The following PUDP variants were observed in gnomAD, a reference collection of about 807,000 sequenced individuals.
PUDP encodes the protein pseudouridine 5'-phosphatase.
Under a neutral mutation model 9.4 loss-of-function variants are expected in PUDP, and 8 were observed. That is an observed-to-expected ratio of 0.85 (90% CI 0.50 to 1.53). PUDP has a LOEUF of 1.53. PUDP is among the 40% of genes most tolerant of loss of function. The pLI is 0.00. For synonymous variants in PUDP, 99 were observed against 80.7 expected (o/e 1.23, Z -1.22); for missense variants, 188 against 189.7 (o/e 0.99, Z 0.05).
chrX:6,833,646 C>T (rs1444679922), intron 3 of PUDP, among the ~76,000 whole-genome samples: 4 of 111,945 alleles, frequency 3.6e-5, no homozygotes, highest in Admixed American at 2.8e-4. Context: ...GAAATAGATA[C>T]ATGGATAGTC....
intron 3 of PUDP, among the ~76,000 whole-genome samples, chrX:6,880,622 A>G (rs1927332932): frequency 8.9e-6 from 1 of 112,287 alleles, no homozygotes; most frequent in Admixed American, 9.5e-5. Flanking sequence ...TATGTCTGGT[A>G]TGGAGCACTC....
At chrX:6,989,561 T>C (rs770480364) in intron 1 of PUDP, 2 of 138,284 alleles carry the variant, frequency 1.4e-5, no homozygotes, top group East Asian at 1.7e-4. Context: ...GCTAAGAAAA[T>C]GAAGAAGTCT....
chrX:6,898,778 C>A (rs560619648), intron 3 of PUDP, among the ~76,000 whole-genome samples: 1 of 111,801 alleles, frequency 8.9e-6, no homozygotes, highest in African/African-American at 3.2e-5. Context: ...TCTTTTGATT[C>A]TTTTTTGCCA....
At chrX:6,717,839 T>A (rs909047807) in intron 1 of PUDP, among the ~76,000 whole-genome samples, 1 of 112,192 alleles carries the variant, frequency 8.9e-6, no homozygotes, top group Non-Finnish European at 1.9e-5. Flanking sequence ...CATTCCCTCT[T>A]CTCTGCATCC....
intron 3 of PUDP, among the ~76,000 whole-genome samples, chrX:6,957,849 C>G (rs1055376504): frequency 8.9e-6 from 1 of 111,932 alleles, no homozygotes; most frequent in Non-Finnish European, 1.9e-5. Context: ...GATCACAATG[C>G]TGGTAGAAAA....
At chrX:6,886,848 C>G (rs1453839239) in intron 3 of PUDP, among the ~76,000 whole-genome samples, 1 of 110,180 alleles carries the variant, frequency 9.1e-6, no homozygotes, top group Non-Finnish European at 1.9e-5. Context: ...AAGAAACAGC[C>G]TTGCATTCCA....
intron 3 of PUDP, among the ~76,000 whole-genome samples, chrX:6,970,836 G>A: frequency 9.0e-6 from 1 of 110,729 alleles, no homozygotes; most frequent in African/African-American, 3.3e-5. Flanking sequence ...GGCTGAGGTG[G>A]GTGGGAGTTT....
chrX:6,934,157 A>G (rs1249677066), intron 3 of PUDP, among the ~76,000 whole-genome samples: 1 of 106,397 alleles, frequency 9.4e-6, no homozygotes, highest in African/African-American at 3.4e-5. Context: ...CCTCAAGAAG[A>G]GCAAATCCAA....
At chrX:6,902,856 A>C (rs754521275) in intron 3 of PUDP, among the ~76,000 whole-genome samples, 21 of 111,629 alleles carry the variant, frequency 1.9e-4, no homozygotes, top group Non-Finnish European at 3.2e-4. Context: ...TGTCTGCTGG[A>C]GAGAAGGTAA....
chrX:6,772,964 A>C (rs1450628060), intron 3 of PUDP, among the ~76,000 whole-genome samples: 2 of 112,353 alleles, frequency 1.8e-5, no homozygotes, highest in African/African-American at 6.5e-5. Flanking sequence ...TTTTTCCACA[A>C]GTTCACAAGC....
intron 3 of PUDP, among the ~76,000 whole-genome samples, chrX:6,948,034 G>A (rs6639727): frequency 0.21 from 23,320 of 110,840 alleles, 1,965 homozygotes; most frequent in Admixed American, 0.35. Context: ...ACAAAAAGGA[G>A]GAATATTAGA....
intron 3 of PUDP, among the ~76,000 whole-genome samples, chrX:6,768,902 G>C (rs1387244765): frequency 8.9e-6 from 1 of 111,848 alleles, no homozygotes; most frequent in East Asian, 2.8e-4. Flanking sequence ...GCTTTCCGTG[G>C]TGGTGTTTAC....
chrX:7,071,222 A>G (rs1285122493), intron 3 of PUDP, among the ~76,000 whole-genome samples: 3 of 111,599 alleles, frequency 2.7e-5, no homozygotes, highest in Non-Finnish European at 5.6e-5. Flanking sequence ...CAGTTTTCTT[A>G]ATTTCACTTT....
chrX:6,941,709 G>A (rs762936906), intron 3 of PUDP, among the ~76,000 whole-genome samples: 2 of 110,739 alleles, frequency 1.8e-5, no homozygotes, highest in South Asian at 7.5e-4. Context: ...CTTTATTGAG[G>A]CATAAATAAC....
At chrX:6,914,882 A>G (rs956327473) in intron 3 of PUDP, among the ~76,000 whole-genome samples, 2 of 112,607 alleles carry the variant, frequency 1.8e-5, no homozygotes, top group African/African-American at 6.4e-5. Flanking sequence ...TTAACAATCT[A>G]GAAGGAATCT....
chrX:6,726,296 G>A (rs1924737519), upstream of PUDP, among the ~76,000 whole-genome samples: 3 of 111,659 alleles, frequency 2.7e-5, no homozygotes, highest in Admixed American at 1.9e-4. Context: ...GGGAGACTAG[G>A]GAGAGGTTGG....
chrX:6,971,449 C>G (rs1340963281), intron 3 of PUDP, among the ~76,000 whole-genome samples: 2 of 103,680 alleles, frequency 1.9e-5, no homozygotes, highest in Non-Finnish European at 3.9e-5. Context: ...CAGAGTCTCA[C>G]TCTGTCACCC....
chrX:6,900,329 G>GC lies in PUDP; in HGVS notation c.*247+76803_*247+76804insG, dbSNP rs914670436. ...GACATTTTTGGTTGTCACCACTTGGGGGGGGGGGCGCTGCTACTGGCATCT... is the reference window on the plus strand; with the variant it reads ...GACATTTTTGGTTGTCACCACTTGGGCGGGGGGGGCGCTGCTACTGGCATCT... On this transcript the variant is annotated intron_variant and NMD_transcript_variant, in intron 3 of 3. Transcript: ENST00000655425. Among the ~76,000 whole-genome samples, 9 of 106,218 alleles carry GC rather than the reference G, an allele frequency of 8.5e-5. No homozygotes were observed. In the South Asian group the frequency reaches 3.5e-3, roughly 42 times the overall value. The allele number at this position is 106,218 out of a possible 115,157, so 92.2% of individuals were successfully genotyped here. A position where few individuals can be genotyped will look rare whatever the true frequency, so the allele number is the denominator to read the frequency against.
intron 3 of PUDP, among the ~76,000 whole-genome samples, chrX:6,810,519 A>G (rs946041115): frequency 3.6e-5 from 4 of 111,882 alleles, no homozygotes; most frequent in African/African-American, 1.3e-4. Context: ...AACATTTGGA[A>G]AAATTCTAGA....
Sources: allele counts gnomAD v4.1 joint callset (sites outside exome capture counted in the v4.1 genomes callset), GRCh38; gene constraint gnomAD v4.1.1; transcripts MANE v1.5; gene names NCBI Gene and HGNC (gene_info 2026-07-23, HGNC 2026-07-21).